TRPM3: variants seen among roughly 807,000 people sequenced by gnomAD.
TRPM3 encodes the protein long transient receptor potential channel 3.
A neutral mutation model predicts 181.2 loss-of-function variants in TRPM3; 77 were observed. The observed-to-expected ratio is 0.42, with a 90% CI of 0.35 to 0.51. TRPM3 has a LOEUF of 0.51. Ranked by LOEUF, TRPM3 falls within the 20% of genes least tolerant of loss-of-function variation. TRPM3 has a pLI of 0.01. For synonymous variants in TRPM3, 745 were observed against 796.4 expected, an observed-to-expected ratio of 0.94 and a Z score of 1.09; for missense variants, 1,759 against 2,196.7, an observed-to-expected ratio of 0.80 and a Z score of 3.98.
In TRPM3 at chr9:71,077,632, C is replaced by T. The variant is rs114389311; in HGVS notation, c.177+43546G>A. Among the ~76,000 whole-genome samples the T allele has an allele frequency of 2.8e-3, 433 of 152,208 alleles. 3 individuals are homozygous for T. The highest frequency in any genetic ancestry group is 9.9e-3 in the African/African-American group (413 of 41,536). On this transcript the variant is annotated intron_variant, in intron 1 of 25. Coordinates refer to ENST00000677713, the MANE Select transcript of TRPM3 (RefSeq NM_001366145.2). ...CATGAGTTCCTCTTTAGCAACACCA[C>T]ACCTAACTGAAAGCTTCTCACCTGT...
At chr9:71,035,350 C>T (rs1389334677) in intron 1 of TRPM3, among the ~76,000 whole-genome samples, 2 of 152,182 alleles carry the variant, frequency 1.3e-5, no homozygotes, top group African/African-American at 4.8e-5. Context: ...CTTTTAGAGA[C>T]TTAACATATG....
At chr9:71,005,991 T>C (rs1259365162) in intron 1 of TRPM3, among the ~76,000 whole-genome samples, 3 of 152,130 alleles carry the variant, frequency 2.0e-5, no homozygotes, top group Non-Finnish European at 4.4e-5. Context: ...ATAGGCAATA[T>C]AAAATGATGT....
intron 1 of TRPM3, among the ~76,000 whole-genome samples, chr9:71,329,978 G>C (rs1401862136): frequency 6.6e-6 from 1 of 151,958 alleles, no homozygotes; most frequent in Non-Finnish European, 1.5e-5. Context: ...ATGTAAGTTG[G>C]CAGACCAGAA....
chr9:70,542,906 C>A (rs1281788038), intron 25 of TRPM3, among the ~76,000 whole-genome samples: 2 of 152,196 alleles, frequency 1.3e-5, no homozygotes, highest in Non-Finnish European at 2.9e-5. Flanking sequence ...AGACTGATAT[C>A]TAATCTATGA....
At chr9:70,864,838 T>A (rs1474528291) in intron 1 of TRPM3, among the ~76,000 whole-genome samples, 5 of 152,020 alleles carry the variant, frequency 3.3e-5, no homozygotes, top group Non-Finnish European at 7.4e-5. Flanking sequence ...TTTGGAGGGA[T>A]AGAATAGTAT....
chr9:70,551,241 G>T (rs2046381895), intron 24 of TRPM3, among the ~76,000 whole-genome samples: 1 of 152,142 alleles, frequency 6.6e-6, no homozygotes, highest in African/African-American at 2.4e-5. Context: ...TTTAATTAAG[G>T]CTACAGATGG....
At chr9:71,031,800 A>G (rs1010266084) in intron 1 of TRPM3, among the ~76,000 whole-genome samples, 68 of 149,624 alleles carry the variant, frequency 4.5e-4, no homozygotes, top group Admixed American at 2.0e-4. Context: ...ATATTTCATG[A>G]ATCATAATTT....
chr9:71,156,701 C>A (rs1050492321), intron 1 of TRPM3, among the ~76,000 whole-genome samples: 1 of 152,014 alleles, frequency 6.6e-6, no homozygotes, highest in African/African-American at 2.4e-5. Context: ...CTTAGGAAAG[C>A]TTGCTATAAA....
chr9:70,605,708 T>G lies in TRPM3; in HGVS notation c.2668-2238A>C, dbSNP rs79976500. 7.9e-3 allele frequency among the ~76,000 whole-genome samples: 1,202 copies of G among 152,320 alleles called. 18 individuals are homozygous for G. The highest frequency in any genetic ancestry group is 0.027 in the African/African-American group (1,122 of 41,560). On this transcript the variant is annotated intron_variant, in intron 19 of 25. Transcript: ENST00000677713. ...AAAAAAGGACTTTAGTGGTTAAAAC[T>G]CTAAAATATACTCTCAGCCTCCTTC...
At chr9:71,219,686 C>T (rs908151161) in intron 1 of TRPM3, among the ~76,000 whole-genome samples, 1 of 152,186 alleles carries the variant, frequency 6.6e-6, no homozygotes, top group Non-Finnish European at 1.5e-5. Context: ...GTTTTAGATA[C>T]TGACATGGTA....
At chr9:70,675,864 T>C (rs1443966732) in intron 9 of TRPM3, among the ~76,000 whole-genome samples, 1 of 152,222 alleles carries the variant, frequency 6.6e-6, no homozygotes, top group Non-Finnish European at 1.5e-5. Flanking sequence ...GGTTTTTGAT[T>C]ACAATATGTC....
intron 1 of TRPM3, among the ~76,000 whole-genome samples, chr9:71,041,917 T>A (rs2058870301): frequency 6.6e-6 from 1 of 152,076 alleles, no homozygotes; most frequent in Non-Finnish European, 1.5e-5. Context: ...TCTTATATTG[T>A]CCCCTCTGTA....
intron 1 of TRPM3, among the ~76,000 whole-genome samples, chr9:70,989,334 C>A (rs759072628): frequency 8.5e-5 from 13 of 152,130 alleles, no homozygotes; most frequent in Non-Finnish European, 1.6e-4. Context: ...TGACATATCA[C>A]CAAGGACTAC....
intron 1 of TRPM3, among the ~76,000 whole-genome samples, chr9:71,403,791 C>T (rs1323268013): frequency 1.3e-5 from 2 of 150,444 alleles, no homozygotes; most frequent in African/African-American, 2.5e-5. Flanking sequence ...CAGGAGACAC[C>T]ATCAAAAGAG....
At chr9:70,567,378 T>C (rs770896128) in intron 22 of TRPM3, among the ~76,000 whole-genome samples, 4 of 152,246 alleles carry the variant, frequency 2.6e-5, no homozygotes, top group Non-Finnish European at 5.9e-5. Flanking sequence ...ATGCCTGGAA[T>C]TGTGCACATG....
At chr9:70,951,638 G>A (rs917038614) in intron 1 of TRPM3, among the ~76,000 whole-genome samples, 2 of 152,080 alleles carry the variant, frequency 1.3e-5, no homozygotes, top group Admixed American at 6.6e-5. Flanking sequence ...CACCATGCCT[G>A]GCCAGAATTA....
chr9:70,607,369 C>A (rs1268822981), intron 19 of TRPM3, among the ~76,000 whole-genome samples: 1 of 152,178 alleles, frequency 6.6e-6, no homozygotes, highest in Non-Finnish European at 1.5e-5. Flanking sequence ...GACTGGCATA[C>A]CTTATTTCCA....
At chr9:71,286,967 A>G (rs1213238712) in intron 1 of TRPM3, among the ~76,000 whole-genome samples, 1 of 125,714 alleles carries the variant, frequency 8.0e-6, no homozygotes. Context: ...TAAATTATAT[A>G]TAATATAATT....
At chr9:70,551,335 A>G (rs1175416328) in intron 24 of TRPM3, among the ~76,000 whole-genome samples, 3 of 152,330 alleles carry the variant, frequency 2.0e-5, no homozygotes, top group Admixed American at 2.0e-4. Flanking sequence ...ACCCAGCCAC[A>G]GCACTAAAAT....
Sources: allele counts gnomAD v4.1 joint callset (sites outside exome capture counted in the v4.1 genomes callset), GRCh38; gene constraint gnomAD v4.1.1; transcripts MANE v1.5; gene names NCBI Gene and HGNC (gene_info 2026-07-23, HGNC 2026-07-21).